TRABD2B: variants seen among roughly 807,000 people sequenced by gnomAD.
TRABD2B encodes TraB domain containing 2B.
TRABD2B carries 14 observed loss-of-function variants against 40.1 expected under a neutral mutation model. The observed-to-expected ratio is 0.35, with a 90% confidence interval of 0.23 to 0.55. The LOEUF is 0.55. TRABD2B is among the 20% of genes least tolerant of loss of function. The pLI, the probability that TRABD2B is intolerant of heterozygous loss-of-function variation, is 0.90. For synonymous variants in TRABD2B, 263 were observed against 277.0 expected, an observed-to-expected ratio of 0.95 and a Z score of 0.50; for missense variants, 541 against 648.6, an observed-to-expected ratio of 0.83 and a Z score of 1.80.
At chr1:47,839,767 G>C (rs1196811210) in intron 2 of TRABD2B, among the ~76,000 whole-genome samples, 1 of 152,188 alleles carries the variant, frequency 6.6e-6, no homozygotes, top group African/African-American at 2.4e-5. Context: ...AAATGATGAG[G>C]GGAGGGCAAC....
chr1:47,862,265 A>C (rs1447220744), intron 2 of TRABD2B, among the ~76,000 whole-genome samples: 1 of 152,240 alleles, frequency 6.6e-6, no homozygotes, highest in Non-Finnish European at 1.5e-5. Flanking sequence ...AAAATGAAAT[A>C]AAATATATAC....
chr1:47,956,641 G>A (rs566558315), intron 2 of TRABD2B, among the ~76,000 whole-genome samples: 7 of 152,346 alleles, frequency 4.6e-5, no homozygotes, highest in East Asian at 1.9e-4. Flanking sequence ...ACTGCAAGGC[G>A]GCAGGGAGGC....
intron 2 of TRABD2B, among the ~76,000 whole-genome samples, chr1:47,980,117 T>C (rs1392685999): frequency 6.6e-6 from 1 of 152,116 alleles, no homozygotes; most frequent in Non-Finnish European, 1.5e-5. Flanking sequence ...GCTTCTATAG[T>C]CAATTGCCTA....
At chr1:47,953,515 T>A (rs1227599117) in intron 2 of TRABD2B, among the ~76,000 whole-genome samples, 9 of 152,118 alleles carry the variant, frequency 5.9e-5, no homozygotes, top group Non-Finnish European at 4.4e-5. Flanking sequence ...TCCTACCATT[T>A]CTCAGACAAA....
chr1:47,970,574 G>T (rs1557687239), intron 2 of TRABD2B, among the ~76,000 whole-genome samples: 1 of 152,104 alleles, frequency 6.6e-6, no homozygotes, highest in East Asian at 1.9e-4. Context: ...ATCTGTACTG[G>T]TCAGCTATTG....
At chr1:47,852,127 A>G (rs1482591647) in intron 2 of TRABD2B, among the ~76,000 whole-genome samples, 1 of 151,876 alleles carries the variant, frequency 6.6e-6, no homozygotes, top group Non-Finnish European at 1.5e-5. Flanking sequence ...AAACCCAAAC[A>G]CCCACCAGCC....
intron 6 of TRABD2B, among the ~76,000 whole-genome samples, chr1:47,773,110 C>G (rs1384622113): frequency 6.6e-6 from 1 of 152,240 alleles, no homozygotes; most frequent in Non-Finnish European, 1.5e-5. Flanking sequence ...CCCAGCTTCC[C>G]GTCACCCCAT....
At chr1:47,938,574 C>T (rs1645144072) in intron 2 of TRABD2B, among the ~76,000 whole-genome samples, 2 of 152,038 alleles carry the variant, frequency 1.3e-5, no homozygotes, top group African/African-American at 2.4e-5. Context: ...GTGCATACTC[C>T]ATGACTTTAG....
intron 2 of TRABD2B, among the ~76,000 whole-genome samples, chr1:47,991,351 G>A (rs1322145232): frequency 6.6e-6 from 1 of 152,158 alleles, no homozygotes; most frequent in Non-Finnish European, 1.5e-5. Context: ...GGGCTAGAAG[G>A]AGCTTGAATG....
At chr1:47,953,098 T>G (rs141872339) in intron 2 of TRABD2B, among the ~76,000 whole-genome samples, 4 of 150,670 alleles carry the variant, frequency 2.7e-5, no homozygotes, top group Middle Eastern at 3.6e-3. Context: ...GCTTTAATTT[T>G]CTTAGCTCCT....
chr1:47,965,214 A>C (rs1308384850), intron 2 of TRABD2B, among the ~76,000 whole-genome samples: 8 of 2,768 alleles, frequency 2.9e-3, no homozygotes, highest in African/African-American at 5.2e-3. Context: ...GGGGGGGTGG[A>C]GGGGGGGGTG....
intron 2 of TRABD2B, among the ~76,000 whole-genome samples, chr1:47,857,514 C>G (rs1643905236): frequency 6.6e-6 from 1 of 152,152 alleles, no homozygotes; most frequent in African/African-American, 2.4e-5. Context: ...GTTAAGGCCC[C>G]CTTCTCAGTA....
chr1:47,773,520 A>G (rs6664448), intron 6 of TRABD2B, among the ~76,000 whole-genome samples: 149,215 of 152,378 alleles, frequency 0.98, 73,144 homozygotes, highest in East Asian at 1. Flanking sequence ...GCGGTTTCCC[A>G]CGTACTATTC....
At chr1:47,942,890 T>C (rs1645206459) in intron 2 of TRABD2B, among the ~76,000 whole-genome samples, 1 of 152,244 alleles carries the variant, frequency 6.6e-6, no homozygotes, top group Admixed American at 6.5e-5. Flanking sequence ...CTCATGCTTC[T>C]TACTTGCTAT....
chr1:47,901,369 A>G (rs1372009421), intron 2 of TRABD2B, among the ~76,000 whole-genome samples: 3 of 152,254 alleles, frequency 2.0e-5, no homozygotes, highest in African/African-American at 7.2e-5. Context: ...CACAAGAAGC[A>G]GAGTCTCCCT....
intron 2 of TRABD2B, among the ~76,000 whole-genome samples, chr1:47,868,689 C>T (rs1258561494): frequency 6.6e-6 from 1 of 152,206 alleles, no homozygotes; most frequent in African/African-American, 2.4e-5. Context: ...CCACCCTCCT[C>T]ACCCTAGACT....
intron 2 of TRABD2B, among the ~76,000 whole-genome samples, chr1:47,989,218 TGC>T (rs1645964974): frequency 6.6e-6 from 1 of 152,246 alleles, no homozygotes. Flanking sequence ...TAAGGTATTT[TGC>T]TGTAGCAGCC....
At chr1:47,948,936 T>C (rs1645299256) in intron 2 of TRABD2B, among the ~76,000 whole-genome samples, 1 of 152,202 alleles carries the variant, frequency 6.6e-6, no homozygotes. Context: ...TGCTAAGTTT[T>C]TAAATTAAAT....
intron 2 of TRABD2B, among the ~76,000 whole-genome samples, chr1:47,892,953 T>G (rs991955841): frequency 6.6e-6 from 1 of 152,138 alleles, no homozygotes; most frequent in South Asian, 2.1e-4. Context: ...TCCAGAGGAA[T>G]AGGAAGAGGA....
Sources: gnomAD v4.1 joint callset for allele counts (sites outside exome capture counted in the v4.1 genomes callset) on GRCh38, gnomAD v4.1.1 for gene constraint, MANE v1.5 for transcripts, NCBI Gene and HGNC (gene_info 2026-07-23, HGNC 2026-07-21) for gene names.